PCDHGA6: variants seen among roughly 807,000 people sequenced by gnomAD.
PCDHGA6 encodes protocadherin gamma subfamily A, 6.
Under a neutral mutation model 60.6 loss-of-function variants are expected in PCDHGA6, and 41 were observed. The observed-to-expected ratio is 0.68, with a 90% CI of 0.53 to 0.88. The LOEUF is 0.88. Among genes scored for constraint, PCDHGA6 ranks in the 40% least tolerant of loss-of-function variants. The pLI, the probability that PCDHGA6 is intolerant of heterozygous loss-of-function variation, is 0.00. For missense variants in PCDHGA6, 1,312 were observed against 1,203.0 expected (o/e 1.09, Z -1.34); for synonymous variants, 594 against 524.4 (o/e 1.13, Z -1.81).
At chr5:141,393,534 G>GA in intron 1 of PCDHGA6, 1 of 1,613,928 alleles carries the variant, frequency 6.2e-7, no homozygotes, top group Non-Finnish European at 8.5e-7. Flanking sequence ...CAATGCCCCG[G>GA]TTTTTCCTCA....
intron 1 of PCDHGA6, chr5:141,423,962 C>A: frequency 1.7e-6 from 2 of 1,168,402 alleles, no homozygotes; most frequent in South Asian, 4.2e-5. Context: ...TATTATTTTT[C>A]TATTATCAGT....
intron 1 of PCDHGA6, chr5:141,428,732 T>C (rs976924838): frequency 1.3e-5 from 2 of 159,284 alleles, no homozygotes; most frequent in African/African-American, 4.8e-5. Context: ...CTTAAACATA[T>C]TATATCTACT....
At chr5:141,506,247 G>A (rs113270457) in intron 3 of PCDHGA6, among the ~76,000 whole-genome samples, 8,033 of 152,078 alleles carry the variant, frequency 0.053, 470 homozygotes, top group African/African-American at 0.14. Flanking sequence ...TCAGGAGTTC[G>A]AAACCGGCCT....
intron 1 of PCDHGA6, among the ~76,000 whole-genome samples, chr5:141,439,043 G>T (rs1688170264): frequency 6.6e-6 from 1 of 151,346 alleles, no homozygotes; most frequent in Non-Finnish European, 1.5e-5. Flanking sequence ...CAGTTCATAA[G>T]ATTTCCATAT....
At chr5:141,437,826 CT>C (rs1263000808) in intron 1 of PCDHGA6, among the ~76,000 whole-genome samples, 5 of 151,936 alleles carry the variant, frequency 3.3e-5, no homozygotes, top group African/African-American at 1.2e-4. Flanking sequence ...CAACCTCTGC[CT>C]CCTGGGTTCA....
chr5:141,407,807 T>G (rs916388568), intron 1 of PCDHGA6, among the ~76,000 whole-genome samples: 1 of 152,202 alleles, frequency 6.6e-6, no homozygotes, highest in African/African-American at 2.4e-5. Context: ...CATAGAAATA[T>G]CTACTATAAT....
At position 141,375,548 on chromosome 5, in the gene PCDHGA6, T is replaced by C. The variant is rs748936121; in HGVS notation, c.1465T>C (p.Tyr489His). The stretch of plus-strand genomic sequence containing the variant: ...CGTGGACCAGAACGCCCAAGTCTCC[T>C]ACTCACTGGCAGAAGACACCCTCCA... ...PDVDQNAQVS[Y>H]SLAEDTLQGA... Residue 489 changes from tyrosine (Y) to histidine (H), a missense_variant, in exon 1 of 4, where the codon TAC becomes CAC. Transcript: ENST00000517434. The C allele has an allele frequency of 1.1e-5, 17 of 1,613,892 alleles. No individual in the cohort carries two copies. Among genetic ancestry groups the C allele is most frequent in the Non-Finnish European group, 9.3e-6 (11 of 1,179,940 alleles).
At position 141,511,563 on chromosome 5, in the gene PCDHGA6, C is replaced by T. The variant is rs911782127; in HGVS notation, c.*390C>T. ...CCCCACTCCAACAGTTCCTCTTTCCCGAGTAAGGTGGTTGGGGTGTTGAAG... is the reference window on the plus strand; with the variant it reads ...CCCCACTCCAACAGTTCCTCTTTCCTGAGTAAGGTGGTTGGGGTGTTGAAG... On this transcript the variant is annotated 3_prime_UTR_variant, in exon 4 of 4. Coordinates refer to ENST00000517434, the MANE Select transcript of PCDHGA6 (RefSeq NM_018919.3). The T allele has an allele frequency of 7.8e-5, 23 of 295,048 alleles. No homozygotes were observed. The highest frequency in any genetic ancestry group is 3.4e-4 in the African/African-American group (16 of 46,532). The allele number at this position is 295,048 out of a possible 1,614,324, so 18.3% of individuals were successfully genotyped here. A position where few individuals can be genotyped will look rare whatever the true frequency, so the allele number is the denominator to read the frequency against.
At position 141,375,647 on chromosome 5, in the gene PCDHGA6, T is replaced by C. The variant is rs1265306389; in HGVS notation, c.1564T>C (p.Tyr522His). 1.2e-6 allele frequency: 2 copies of C among 1,614,038 alleles called. No homozygotes were observed. Residue 522 changes from tyrosine to histidine, a missense_variant, in exon 1 of 4, where the codon TAT (tyrosine) becomes CAT (histidine). By Grantham distance (83) the Tyr-to-His change is moderately conservative (BLOSUM62 2). Transcript: ENST00000517434. ...GILYALRSFD[Y>H]EQLRDLQLWV... ...TCTGTACGCCCTGCGCTCCTTCGAC[T>C]ATGAGCAGTTGAGAGACCTACAGCT...
rs1561863226 is a variant in PCDHGA6, at chr5:141,432,653, C to T, written c.2424+56146C>T. On this transcript the variant is annotated intron_variant, in intron 1 of 3. Transcript: ENST00000517434. The surrounding 1 kb of genome is among the most constrained non-coding windows in gnomAD (Gnocchi z 6.0). Reference sequence around the variant, plus strand: ...GGGCGAGGTGCGCACGGCGCGAGCCCTGCTGGACAGAGACGCGCTCAAGCA... The same window carrying T: ...GGGCGAGGTGCGCACGGCGCGAGCCTTGCTGGACAGAGACGCGCTCAAGCA... 5 of 1,613,852 alleles carry T rather than the reference C, an allele frequency of 3.1e-6. No individual in the cohort carries two copies. In the South Asian group the frequency reaches 4.4e-5, roughly 14 times the overall value.
intron 1 of PCDHGA6, among the ~76,000 whole-genome samples, chr5:141,401,330 A>G (rs1377404173): frequency 6.6e-6 from 1 of 152,218 alleles, no homozygotes. Context: ...CAACAAGAGC[A>G]AAACTCCATC....
intron 1 of PCDHGA6, chr5:141,418,432 T>C (rs954268296): frequency 1.9e-6 from 3 of 1,613,838 alleles, no homozygotes; most frequent in African/African-American, 1.3e-5. Context: ...GTGGCAAATA[T>C]CCAGAATTAG....
chr5:141,407,143 A>G (rs2154538062), intron 1 of PCDHGA6, among the ~76,000 whole-genome samples: 1 of 152,360 alleles, frequency 6.6e-6, no homozygotes, highest in East Asian at 1.9e-4. Flanking sequence ...AAGAAAAAAA[A>G]GCTGAAGTGT....
Position 141,486,316 on chromosome 5 carries a change from A to G in PCDHGA6, c.2425-8491A>G, listed in dbSNP as rs1251956899. The G allele has an allele frequency of 6.2e-7, 1 of 1,614,066 alleles. No individual in the cohort carries two copies. On this transcript the variant is annotated intron_variant, in intron 1 of 3. Transcript: ENST00000517434. This position sits in a 1 kb window ranked among gnomAD's most constrained non-coding sequence, Gnocchi z 5.0. ...GTGTGCAGGATCCAGACTCAGGGTC[A>G]AACGGAGATGTGAGCCTCCGCATTC...
At chr5:141,442,445 T>A (rs2098325574) in intron 1 of PCDHGA6, 1 of 152,198 alleles carries the variant, frequency 6.6e-6, no homozygotes, top group South Asian at 2.1e-4. Flanking sequence ...CCCTCAGGAC[T>A]CAATAGCAGT....
At chr5:141,423,205 A>G in intron 1 of PCDHGA6, 1 of 1,613,612 alleles carries the variant, frequency 6.2e-7, no homozygotes, top group South Asian at 1.1e-5. Flanking sequence ...GGCCACCGTC[A>G]CGCTCACCGT....
intron 1 of PCDHGA6, chr5:141,419,810 C>G (rs368168278): frequency 1.7e-5 from 27 of 1,613,946 alleles, no homozygotes; most frequent in Non-Finnish European, 2.1e-5. Context: ...AGATGGAGGA[C>G]AGCCACCCCT....
In PCDHGA6 at chr5:141,489,399, C is replaced by A. The variant is rs2099686689; in HGVS notation, c.2425-5408C>A. On this transcript the variant is annotated intron_variant, in intron 1 of 3. Coordinates refer to ENST00000517434, the MANE Select transcript of PCDHGA6 (RefSeq NM_018919.3). The surrounding 1 kb of genome is among the most constrained non-coding windows in gnomAD (Gnocchi z 4.5). ...TGGGGAATGTTGCTCAGGATCTGGGCTTAAAGATGACAGATCTGTTGAGCC... is the reference window on the plus strand; with the variant it reads ...TGGGGAATGTTGCTCAGGATCTGGGATTAAAGATGACAGATCTGTTGAGCC... 1 of 1,614,024 alleles carries A rather than the reference C, an allele frequency of 6.2e-7. No homozygotes were observed. Among genetic ancestry groups the A allele is most frequent in the African/African-American group, 1.3e-5 (1 of 74,910 alleles).
intron 1 of PCDHGA6, among the ~76,000 whole-genome samples, chr5:141,457,459 C>G (rs749463185): frequency 1.6e-4 from 24 of 152,166 alleles, no homozygotes; most frequent in Non-Finnish European, 3.4e-4. Context: ...CCACTTGATT[C>G]ACAGGAATAA....
Sources: gnomAD v4.1 joint callset for allele counts (sites outside exome capture counted in the v4.1 genomes callset) on GRCh38, gnomAD v4.1.1 for gene constraint, Gnocchi (gnomAD v3.1) non-coding constraint, MANE v1.5 for transcripts, NCBI Gene and HGNC (gene_info 2026-07-23, HGNC 2026-07-21) for gene names.